Variants in MRAS observed in about 807,000 individuals in gnomAD.
The protein encoded by MRAS is ras-related protein M-Ras.
Under a neutral mutation model 20.9 loss-of-function variants are expected in MRAS, and 4 were observed. The observed-to-expected ratio is 0.19, with a 90% CI of 0.09 to 0.44. MRAS has a LOEUF of 0.44. MRAS is among the 20% of genes least tolerant of loss of function. MRAS has a pLI of 0.99. For missense variants in MRAS, 154 were observed against 277.5 expected, an observed-to-expected ratio of 0.56 and a Z score of 3.16; for synonymous variants, 98 against 102.9, an observed-to-expected ratio of 0.95 and a Z score of 0.29.
At chr3:138,361,045 A>G (rs576183136) in intron 1 of MRAS, among the ~76,000 whole-genome samples, 11 of 152,336 alleles carry the variant, frequency 7.2e-5, no homozygotes, top group African/African-American at 2.4e-4. Flanking sequence ...GAGTCATCAC[A>G]TGGAATAATG....
chr3:138,369,133 T>C (rs1209718110), intron 1 of MRAS, among the ~76,000 whole-genome samples: 8 of 152,120 alleles, frequency 5.3e-5, no homozygotes, highest in Non-Finnish European at 7.4e-5. Context: ...AGCTCTGTGG[T>C]GTGTAGGTTG....
intron 4 of MRAS, 77 bp downstream of exon 4, chr3:138,398,645 CT>C: frequency 6.1e-6 from 8 of 1,302,840 alleles, no homozygotes; most frequent in Non-Finnish European, 8.8e-6. Flanking sequence ...CAGTCCTGGT[CT>C]TTGGAAATGA....
intron 2 of MRAS, among the ~76,000 whole-genome samples, chr3:138,386,604 C>T (rs1212637149): frequency 1.3e-5 from 2 of 152,174 alleles, no homozygotes; most frequent in Non-Finnish European, 2.9e-5. Context: ...CTGCCTCAGC[C>T]TCCCGAGTAT....
At chr3:138,369,074 C>T (rs2108514453) in intron 1 of MRAS, among the ~76,000 whole-genome samples, 1 of 152,316 alleles carries the variant, frequency 6.6e-6, no homozygotes, top group South Asian at 2.1e-4. Flanking sequence ...GAGACAGTCC[C>T]AAGCCCTGGC....
At chr3:138,386,316 T>A (rs757217418) in intron 2 of MRAS, among the ~76,000 whole-genome samples, 3 of 152,044 alleles carry the variant, frequency 2.0e-5, no homozygotes, top group Non-Finnish European at 4.4e-5. Flanking sequence ...TTCCTGCCTT[T>A]ATGGATTTGC....
At chr3:138,400,686 A>G (rs746649291) in intron 5 of MRAS, 73 bp downstream of exon 5, 2 of 1,285,296 alleles carry the variant, frequency 1.6e-6, no homozygotes, top group African/African-American at 2.9e-5. Context: ...TGGGAGCTTG[A>G]GGAAGCAGCT....
At chr3:138,363,225 G>A (rs1325699163) in intron 1 of MRAS, among the ~76,000 whole-genome samples, 1 of 151,712 alleles carries the variant, frequency 6.6e-6, no homozygotes, top group Non-Finnish European at 1.5e-5. Flanking sequence ...ACCATGCCTG[G>A]CTAATTTTTG....
chr3:138,375,812 A>G (rs567863397), intron 2 of MRAS, among the ~76,000 whole-genome samples: 18 of 152,296 alleles, frequency 1.2e-4, no homozygotes, highest in African/African-American at 4.3e-4. Flanking sequence ...GCTTGAGCTC[A>G]GGAGTTTGAG....
chr3:138,366,425 G>A (rs908071373), intron 1 of MRAS, among the ~76,000 whole-genome samples: 2 of 152,202 alleles, frequency 1.3e-5, no homozygotes, highest in African/African-American at 2.4e-5. Context: ...AATTCAATTG[G>A]TGGGGTTAAG....
chr3:138,390,214 G>A (rs1457691858), intron 2 of MRAS, among the ~76,000 whole-genome samples: 1 of 152,154 alleles, frequency 6.6e-6, no homozygotes, highest in Non-Finnish European at 1.5e-5. Context: ...AGCATGTGGG[G>A]CTTGCCTTGG....
chr3:138,361,426 G>A (rs987424133), intron 1 of MRAS, among the ~76,000 whole-genome samples: 1 of 152,180 alleles, frequency 6.6e-6, no homozygotes, highest in Admixed American at 6.5e-5. Context: ...CAGGCCGGGG[G>A]CAGACATGGG....
chr3:138,356,211 G>C (rs1483904119), intron 1 of MRAS, among the ~76,000 whole-genome samples: 1 of 152,188 alleles, frequency 6.6e-6, no homozygotes, highest in Non-Finnish European at 1.5e-5. Context: ...CTGTATATTA[G>C]GCTGGCCCTA....
intron 1 of MRAS, among the ~76,000 whole-genome samples, chr3:138,363,336 C>T (rs2054489470): frequency 6.6e-6 from 1 of 152,182 alleles, no homozygotes; most frequent in South Asian, 2.1e-4. Context: ...GCTGGGATTA[C>T]AGGCATGAGC....
chr3:138,397,563 C>G (rs2055267405), intron 3 of MRAS, 86 bp downstream of exon 3: 12 of 1,476,474 alleles, frequency 8.1e-6, no homozygotes, highest in South Asian at 3.8e-5. Flanking sequence ...TTCTCTTTCT[C>G]TCTCTCTCAC....
chr3:138,361,939 C>G (rs890254034), intron 1 of MRAS, among the ~76,000 whole-genome samples: 8 of 152,240 alleles, frequency 5.3e-5, no homozygotes, highest in Non-Finnish European at 1.2e-4. Flanking sequence ...TTCCTACTCT[C>G]TTTCCTCAGC....
intron 2 of MRAS, among the ~76,000 whole-genome samples, chr3:138,381,765 C>G (rs573843724): frequency 3.9e-5 from 6 of 152,224 alleles, no homozygotes; most frequent in Non-Finnish European, 8.8e-5. Flanking sequence ...GACATTTCCA[C>G]CCTGGCTTCT....
chr3:138,384,438 T>C (rs947167940), intron 2 of MRAS, among the ~76,000 whole-genome samples: 10 of 152,002 alleles, frequency 6.6e-5, no homozygotes, highest in Non-Finnish European at 1.0e-4. Flanking sequence ...AACGACAGGA[T>C]TTGTCGATGG....
intron 3 of MRAS, 152 bp from the exon 4 acceptor site, chr3:138,398,317 T>G: frequency 1.5e-6 from 1 of 665,570 alleles, no homozygotes; most frequent in East Asian, 2.7e-5. Context: ...CTGACCTCTC[T>G]CTGGAAAGGA....
intron 2 of MRAS, 35 bp from the exon 3 acceptor site, chr3:138,397,289 G>GA (rs959389274): frequency 6.2e-7 from 1 of 1,609,536 alleles, no homozygotes; most frequent in African/African-American, 1.3e-5. Context: ...CAGGGTAGGT[G>GA]AGGACAGCCC....
Sources: allele counts gnomAD v4.1 joint callset (sites outside exome capture counted in the v4.1 genomes callset), GRCh38; gene constraint gnomAD v4.1.1; transcripts MANE v1.5; gene names NCBI Gene and HGNC (gene_info 2026-07-23, HGNC 2026-07-21).